CDKAL1: variants seen among roughly 807,000 people sequenced by gnomAD.
CDKAL1 encodes the protein CDKAL1 threonylcarbamoyladenosine tRNA methylthiotransferase.
CDKAL1 carries 32 observed loss-of-function variants against 68.2 expected under a neutral mutation model. That is an observed-to-expected ratio of 0.47 (90% CI 0.35 to 0.63). The LOEUF is 0.63. CDKAL1 is among the 30% of genes least tolerant of loss of function. The probability of loss-of-function intolerance (pLI) is 0.00; values close to 1 mark genes in which losing one functional copy is unlikely to be tolerated. For missense variants in CDKAL1, 606 were observed against 696.7 expected, an observed-to-expected ratio of 0.87 and a Z score of 1.47; for synonymous variants, 234 against 244.3, an observed-to-expected ratio of 0.96 and a Z score of 0.39.
intron 6 of CDKAL1, among the ~76,000 whole-genome samples, chr6:20,754,607 GTGTC>G (rs1476738831): frequency 1.3e-5 from 2 of 152,124 alleles, no homozygotes; most frequent in African/African-American, 4.8e-5. Context: ...CCTTGGAAAA[GTGTC>G]TGTTCAGATT....
chr6:20,575,104 A>T (rs1764855752), intron 4 of CDKAL1, among the ~76,000 whole-genome samples: 1 of 151,304 alleles, frequency 6.6e-6, no homozygotes, highest in Admixed American at 6.6e-5. Flanking sequence ...GGTGAAAATT[A>T]AAAAAAAATA....
At chr6:20,853,336 G>C (rs1035858226) in intron 9 of CDKAL1, among the ~76,000 whole-genome samples, 1 of 150,688 alleles carries the variant, frequency 6.6e-6, no homozygotes, top group Non-Finnish European at 1.5e-5. Context: ...AGCCAAGATC[G>C]TGCCACTGCA....
chr6:20,568,751 C>A (rs57499599), intron 4 of CDKAL1, among the ~76,000 whole-genome samples: 49,187 of 132,882 alleles, frequency 0.37, 9,941 homozygotes, highest in Non-Finnish European at 0.4. Flanking sequence ...AAAAAAAAAA[C>A]AAAAAAACAA....
intron 8 of CDKAL1, among the ~76,000 whole-genome samples, chr6:20,782,448 A>G (rs926585352): frequency 6.6e-6 from 1 of 152,186 alleles, no homozygotes; most frequent in Non-Finnish European, 1.5e-5. Flanking sequence ...GTCTAGCCTG[A>G]GCCGAATTAT....
In CDKAL1 at chr6:20,613,249, C is replaced by CTTTTTTTTTTTTTTTTT. The variant is rs71559677; in HGVS notation, c.287-36017_287-36001dup. Among the ~76,000 whole-genome samples the CTTTTTTTTTTTTTTTTT allele has an allele frequency of 9.0e-5, 7 of 77,864 alleles. 1 individual carries two copies. The highest frequency in any genetic ancestry group is 4.2e-4 in the South Asian group (1 of 2,390). The allele number at this position is 77,864 out of a possible 152,430, so 51.1% of individuals were successfully genotyped here. A position where few individuals can be genotyped will look rare whatever the true frequency, so the allele number is the denominator to read the frequency against. On this transcript the variant is annotated intron_variant, in intron 4 of 15. Coordinates refer to ENST00000274695, the MANE Select transcript of CDKAL1 (RefSeq NM_017774.3). The stretch of plus-strand genomic sequence containing the variant: ...TATCAGTTCATCACAAAATTTCTTT[C>CTTTTTTTTTTTTTTTTT]TTTTTTTTTTTTTTTTTTTTTTTTT...
intron 5 of CDKAL1, among the ~76,000 whole-genome samples, chr6:20,702,061 C>A (rs1012145834): frequency 1.3e-5 from 2 of 152,106 alleles, no homozygotes; most frequent in African/African-American, 4.8e-5. Context: ...AGAAATGATC[C>A]TCTTCTTCCT....
rs1581385409 is a variant in CDKAL1 at position 20,687,476 on chromosome 6, A to G, written c.371+38099A>G. On this transcript the variant is annotated intron_variant, in intron 5 of 15. Coordinates refer to ENST00000274695, the MANE Select transcript of CDKAL1 (RefSeq NM_017774.3). ...ATTTGTTAGATCAATCAGGGATAAGAAAATTAAAAAGTTATTTTACTTTTA... is the reference window on the plus strand; with the variant it reads ...ATTTGTTAGATCAATCAGGGATAAGGAAATTAAAAAGTTATTTTACTTTTA... 2.0e-5 allele frequency among the ~76,000 whole-genome samples: 3 copies of G among 151,998 alleles called. No individual in the cohort carries two copies. The South Asian group carries it at 6.2e-4, about 31-fold the overall frequency.
At chr6:20,859,652 G>A (rs759231668) in intron 9 of CDKAL1, among the ~76,000 whole-genome samples, 30 of 152,360 alleles carry the variant, frequency 2.0e-4, no homozygotes, top group Non-Finnish European at 3.5e-4. Flanking sequence ...TGGTGAGTAT[G>A]AGAGTTTACA....
intron 8 of CDKAL1, among the ~76,000 whole-genome samples, chr6:20,819,713 AGT>A (rs1274285595): frequency 1.3e-5 from 2 of 152,182 alleles, no homozygotes; most frequent in Non-Finnish European, 2.9e-5. Flanking sequence ...ATAAATGTAA[AGT>A]GTGAAAATAT....
intron 15 of CDKAL1, among the ~76,000 whole-genome samples, chr6:21,209,082 T>C (rs1779052043): frequency 6.6e-6 from 1 of 152,230 alleles, no homozygotes. Context: ...ATAATAATAA[T>C]AGCTACCATT....
At chr6:20,851,561 A>T (rs1044114382) in intron 9 of CDKAL1, among the ~76,000 whole-genome samples, 6 of 152,074 alleles carry the variant, frequency 3.9e-5, no homozygotes, top group African/African-American at 1.4e-4. Context: ...GTGGGTTACT[A>T]CTTTTTGGCT....
chr6:21,196,560 C>G (rs536796931), intron 13 of CDKAL1, among the ~76,000 whole-genome samples: 2 of 152,186 alleles, frequency 1.3e-5, no homozygotes, highest in South Asian at 4.2e-4. Flanking sequence ...AGATAGTAAA[C>G]TAGATAGTAA....
chr6:20,902,860 G>A (rs951955522), intron 9 of CDKAL1, among the ~76,000 whole-genome samples: 5 of 152,168 alleles, frequency 3.3e-5, no homozygotes, highest in Admixed American at 3.3e-4. Flanking sequence ...GTTGAAGAGT[G>A]CATTGGGACA....
Position 21,230,989 on chromosome 6 carries a change from T to G in CDKAL1, c.1690T>G (p.Leu564Val). The change falls in exon 16 of 16, where the codon TTG (leucine) becomes GTG (valine). Residue 564 changes from leucine (L) to valine (V), a missense_variant. Leu to Val is a conservative substitution (Grantham distance 32). Coordinates refer to ENST00000274695, the MANE Select transcript of CDKAL1 (RefSeq NM_017774.3). ...CTGTGCGCTGAGGATGTCCGTGGGC[T>G]TGGCTCTGCTGGGTCTTCTTTTTGC... The part of the protein sequence containing the change: ...QDCALRMSVG[L>V]ALLGLLFAFF... 6.2e-7 allele frequency: 1 copy of G among 1,612,862 alleles called. No individual in the cohort carries two copies.
intron 9 of CDKAL1, among the ~76,000 whole-genome samples, chr6:20,953,735 T>C (rs1218136871): frequency 2.6e-5 from 4 of 152,198 alleles, no homozygotes; most frequent in Admixed American, 1.3e-4. Context: ...AAATAGCCTA[T>C]GGACATGCCA....
chr6:21,016,480 TTGTTAA>T (rs1313582012), intron 11 of CDKAL1, among the ~76,000 whole-genome samples: 2 of 152,178 alleles, frequency 1.3e-5, no homozygotes, highest in Non-Finnish European at 2.9e-5. Flanking sequence ...GTATCTGCTC[TTGTTAA>T]ATTTCTAATT....
intron 10 of CDKAL1, among the ~76,000 whole-genome samples, chr6:20,961,268 A>G (rs531180426): frequency 1.3e-5 from 2 of 152,340 alleles, no homozygotes; most frequent in East Asian, 3.9e-4. Context: ...CATAAAAAAG[A>G]ACAAGATCAT....
rs548430430 is a variant in CDKAL1 at position 20,814,602 on chromosome 6, G to A, written c.639-31473G>A. Reference sequence around the variant, plus strand: ...ACCTTTTTCTCTGATTGCTTTTAATGTTGTTATGCAGCTATTGAACAGCTT... The same window carrying A: ...ACCTTTTTCTCTGATTGCTTTTAATATTGTTATGCAGCTATTGAACAGCTT... On this transcript the variant is annotated intron_variant, in intron 8 of 15. Transcript: ENST00000274695. Among the ~76,000 whole-genome samples the A allele has an allele frequency of 5.9e-5, 9 of 152,296 alleles. No homozygotes were observed. In the East Asian group the frequency reaches 1.7e-3, roughly 29 times the overall value.
intron 7 of CDKAL1, among the ~76,000 whole-genome samples, chr6:20,770,176 T>G (rs114226946): frequency 6.6e-6 from 1 of 152,164 alleles, no homozygotes; most frequent in Non-Finnish European, 1.5e-5. Flanking sequence ...TAATTTTTTA[T>G]AGAAAATTCT....
Sources: allele counts gnomAD v4.1 joint callset (sites outside exome capture counted in the v4.1 genomes callset), GRCh38; gene constraint gnomAD v4.1.1; transcripts MANE v1.5; gene names NCBI Gene and HGNC (gene_info 2026-07-23, HGNC 2026-07-21).